The following ATG10 variants were observed in gnomAD, a reference collection of about 807,000 sequenced individuals.
ATG10 encodes the protein ubiquitin-like-conjugating enzyme ATG10.
ATG10 carries 30 observed loss-of-function variants against 32.1 expected under a neutral mutation model. The ratio of observed to expected loss-of-function variants is 0.94; its 90% confidence interval spans 0.70 to 1.27. The LOEUF (loss-of-function observed/expected upper bound fraction) is 1.27. ATG10 is among the 50% of genes most tolerant of loss of function. The pLI is 0.00. For synonymous variants in ATG10, 87 were observed against 91.5 expected (o/e 0.95, Z 0.28); for missense variants, 233 against 262.3 (o/e 0.89, Z 0.77).
chr5:82,139,348 G>C (rs1176981747), intron 3 of ATG10, among the ~76,000 whole-genome samples: 1 of 149,348 alleles, frequency 6.7e-6, no homozygotes, highest in African/African-American at 2.5e-5. Flanking sequence ...GCCCAGTCTG[G>C]AAAGTGAGGA....
At chr5:82,248,270 A>T (rs946946598) in intron 5 of ATG10, among the ~76,000 whole-genome samples, 20 of 152,174 alleles carry the variant, frequency 1.3e-4, no homozygotes, top group African/African-American at 4.6e-4. Flanking sequence ...ACCTCTGGCT[A>T]GCAGAGCTGC....
At chr5:82,008,903 G>A (rs1303018461) in intron 2 of ATG10, among the ~76,000 whole-genome samples, 1 of 152,158 alleles carries the variant, frequency 6.6e-6, no homozygotes, top group East Asian at 1.9e-4. Context: ...AGAATCAAAT[G>A]TATTAATTTA....
chr5:82,141,187 A>C (rs1183258675), intron 3 of ATG10, among the ~76,000 whole-genome samples: 12 of 147,256 alleles, frequency 8.1e-5, no homozygotes, highest in East Asian at 6.0e-4. Flanking sequence ...CCTGCCAAAT[A>C]CCCCTCTGTG....
intron 5 of ATG10, among the ~76,000 whole-genome samples, chr5:82,250,756 T>C (rs912521005): frequency 5.9e-5 from 9 of 152,238 alleles, no homozygotes; most frequent in Non-Finnish European, 8.8e-5. Flanking sequence ...ATCAGGAACA[T>C]TGTTTATCTA....
chr5:82,162,564 A>T (rs74858279), intron 3 of ATG10, among the ~76,000 whole-genome samples: 7 of 152,296 alleles, frequency 4.6e-5, no homozygotes, highest in Non-Finnish European at 8.8e-5. Flanking sequence ...TAGAAAAAAT[A>T]GAGGTATGCA....
intron 3 of ATG10, among the ~76,000 whole-genome samples, chr5:82,152,941 T>C (rs1767661487): frequency 6.6e-6 from 1 of 152,202 alleles, no homozygotes; most frequent in Non-Finnish European, 1.5e-5. Flanking sequence ...TTAACAAATA[T>C]TGATTGAATG....
chr5:82,223,692 A>C (rs774963624), intron 5 of ATG10, among the ~76,000 whole-genome samples: 2 of 152,254 alleles, frequency 1.3e-5, no homozygotes, highest in East Asian at 3.8e-4. Flanking sequence ...ATAATAAAAA[A>C]TTACATAATG....
chr5:82,220,922 T>C (rs553758545), intron 5 of ATG10, among the ~76,000 whole-genome samples: 168 of 152,220 alleles, frequency 1.1e-3, no homozygotes, highest in Admixed American at 6.0e-3. Flanking sequence ...CATGCCTGGC[T>C]AATTTTTGTA....
intron 3 of ATG10, among the ~76,000 whole-genome samples, chr5:82,144,567 C>A (rs943028400): frequency 1.3e-5 from 2 of 151,168 alleles, no homozygotes; most frequent in East Asian, 3.9e-4. Context: ...AAATTTGACC[C>A]ATGGGTTATT....
intron 3 of ATG10, among the ~76,000 whole-genome samples, chr5:82,077,662 T>G (rs1260742581): frequency 6.6e-6 from 1 of 152,198 alleles, no homozygotes; most frequent in Non-Finnish European, 1.5e-5. Context: ...AGTTCTCCAG[T>G]GCTGAGCCTG....
At chr5:81,999,725 C>CA (rs796207043) in intron 2 of ATG10, among the ~76,000 whole-genome samples, 113 of 148,806 alleles carry the variant, frequency 7.6e-4, no homozygotes, top group South Asian at 2.7e-3. Flanking sequence ...CACAGAAATA[C>CA]AAAAAAAAAA....
At chr5:82,181,433 T>C (rs969003819) in intron 5 of ATG10, among the ~76,000 whole-genome samples, 2 of 152,110 alleles carry the variant, frequency 1.3e-5, no homozygotes, top group African/African-American at 4.8e-5. Context: ...TAATCCCAGA[T>C]TGGTTAATGG....
At chr5:82,141,126 CT>C (rs1312904012) in intron 3 of ATG10, among the ~76,000 whole-genome samples, 1 of 141,332 alleles carries the variant, frequency 7.1e-6, no homozygotes, top group Non-Finnish European at 1.5e-5. Context: ...AACCAGAGAC[CT>C]TTGTTCACTT....
chr5:82,052,494 A>G (rs1020755451), intron 2 of ATG10, among the ~76,000 whole-genome samples: 1 of 152,164 alleles, frequency 6.6e-6, no homozygotes, highest in South Asian at 2.1e-4. Context: ...TACTCTGGCA[A>G]TGTGGTGGCC....
chr5:82,112,794 G>T (rs1765659597), intron 3 of ATG10, among the ~76,000 whole-genome samples: 1 of 151,810 alleles, frequency 6.6e-6, no homozygotes, highest in Non-Finnish European at 1.5e-5. Context: ...TTAAATCAAG[G>T]TACATATTTA....
intron 3 of ATG10, among the ~76,000 whole-genome samples, chr5:82,060,629 C>T (rs1581647417): frequency 3.3e-5 from 5 of 152,030 alleles, no homozygotes; most frequent in South Asian, 2.1e-4. Context: ...TTTGAAAGGC[C>T]GAGGCAGGCG....
intron 5 of ATG10, among the ~76,000 whole-genome samples, chr5:82,216,393 C>T (rs1277602375): frequency 3.9e-5 from 6 of 152,130 alleles, no homozygotes; most frequent in Non-Finnish European, 8.8e-5. Flanking sequence ...CATACCCAGA[C>T]CAGAGAAGAG....
At chr5:82,196,638 T>C (rs985098328) in intron 5 of ATG10, among the ~76,000 whole-genome samples, 1 of 152,192 alleles carries the variant, frequency 6.6e-6, no homozygotes, top group Non-Finnish European at 1.5e-5. Context: ...CCATTATTTG[T>C]AAAGACTATT....
chr5:82,251,236 T>C (rs1380336563), intron 5 of ATG10, among the ~76,000 whole-genome samples: 1 of 152,072 alleles, frequency 6.6e-6, no homozygotes, highest in East Asian at 1.9e-4. Context: ...CAGACATGAA[T>C]GTTTGGAGCT....
Sources: gnomAD v4.1 joint callset for allele counts (sites outside exome capture counted in the v4.1 genomes callset) on GRCh38, gnomAD v4.1.1 for gene constraint, MANE v1.5 for transcripts, NCBI Gene and HGNC (gene_info 2026-07-23, HGNC 2026-07-21) for gene names.